The following MSH6 variants were observed in gnomAD, a reference collection of about 807,000 sequenced individuals.
MSH6 encodes mutS homolog 6, also known as DNA mismatch repair protein Msh6.
In MSH6, 85 loss-of-function variants were observed where a neutral mutation model predicts 119.1. That is an observed-to-expected ratio of 0.71 (90% CI 0.60 to 0.85). MSH6 has a LOEUF of 0.85. Among genes scored for constraint, MSH6 ranks in the 40% least tolerant of loss-of-function variants. The pLI is 0.00. For missense variants in MSH6, 2,163 were observed against 1,655.3 expected (o/e 1.31, Z -5.32); for synonymous variants, 830 against 586.9 (o/e 1.41, Z -5.99).
chr2:47,794,419 G>A (rs1668945308), intron 2 of MSH6, among the ~76,000 whole-genome samples: 1 of 151,734 alleles, frequency 6.6e-6, no homozygotes, highest in South Asian at 2.1e-4. Context: ...CTACAGGTGT[G>A]CACCACCACA....
chr2:47,804,948 C>G lies in MSH6; in HGVS notation c.3477C>G (p.Tyr1159Ter), dbSNP rs398123231. The G allele has an allele frequency of 1.9e-6, 3 of 1,614,132 alleles. No homozygotes were observed. Among genetic ancestry groups the G allele is most frequent in the South Asian group, 1.1e-5 (1 of 91,086 alleles). The change falls in exon 6 of 10, where the codon TAC becomes TAG. Residue 1159 changes from tyrosine to a stop codon, truncating the protein, a stop_gained. Transcript: ENST00000234420. LOFTEE classifies it high-confidence loss of function. ...LLAVMAQMGC[Y>*]VPAEVCRLTP... ...CTGTAATGGCCCAGATGGGTTGTTA[C>G]GTCCCTGCTGAAGTGTGCAGGCTCA...
rs1553413038 is a variant in MSH6, at chr2:47,799,641, C to T, written c.1658C>T (p.Thr553Ile). Residue 553 changes from threonine to isoleucine, a missense_variant, in exon 4 of 10, where the codon ACT becomes ATT. Transcript: ENST00000234420. ...AAAGAGGAAGATTCTTCTGGCCATACTCGTGCATATGGTGTGTGCTTTGTT... is the reference window on the plus strand; with the variant it reads ...AAAGAGGAAGATTCTTCTGGCCATATTCGTGCATATGGTGTGTGCTTTGTT... Reference protein sequence around the residue: ...KEKEEDSSGHTRAYGVCFVDT... With the variant: ...KEKEEDSSGHIRAYGVCFVDT... 1 of 1,614,112 alleles carries T rather than the reference C, an allele frequency of 6.2e-7. No homozygotes were observed. Among genetic ancestry groups the T allele is most frequent in the Non-Finnish European group, 8.5e-7 (1 of 1,180,010 alleles).
downstream of MSH6, chr2:47,808,057 C>G: frequency 7.0e-7 from 1 of 1,433,030 alleles, no homozygotes; most frequent in Non-Finnish European, 9.6e-7. Flanking sequence ...AAATCTTCTT[C>G]CAAAAAAGTG....
chr2:47,784,157 G>A (rs1668202150), intron 1 of MSH6: 4 of 1,004,746 alleles, frequency 4.0e-6, no homozygotes, highest in Non-Finnish European at 4.8e-6. Context: ...GGGGGGGTGT[G>A]TCACCATGGG....
chr2:47,788,922 GTTTTTTTTTTTTT>G lies in MSH6; in HGVS notation c.261-1992_261-1980del, dbSNP rs1558650240. On this transcript the variant is annotated intron_variant, in intron 1 of 9. Coordinates refer to ENST00000234420, the MANE Select transcript of MSH6 (RefSeq NM_000179.3). ...TTTCTTCTTCCTTTTTTTTTTTTTT[GTTTTTTTTTTTTT>G]TTTTTTTTTTTTGTGAGACGGAGTC... Among the ~76,000 whole-genome samples, 18 of 40,920 alleles carry G rather than the reference GTTTTTTTTTTTTT, an allele frequency of 4.4e-4. 1 individual carries two copies. Among genetic ancestry groups the G allele is most frequent in the African/African-American group, 1.5e-3 (15 of 9,978 alleles). The allele number at this position is 40,920 out of a possible 152,430, so 26.8% of individuals were successfully genotyped here. A position where few individuals can be genotyped will look rare whatever the true frequency, so the allele number is the denominator to read the frequency against.
Position 47,800,846 on chromosome 2 carries a change from C to G in MSH6, c.2863C>G (p.Leu955Val), listed in dbSNP as rs1401779172. ...RENEQSLLEY[L>V]EKQRNRIGCR... ...AAATGAACAGAGCCTCCTGGAATAC[C>G]TAGAGAAACAGCGCAACAGAATTGG... The change falls in exon 4 of 10, where the codon CTA becomes GTA. Residue 955 changes from leucine to valine, a missense_variant. Transcript: ENST00000234420. The G allele has an allele frequency of 1.9e-6, 3 of 1,614,034 alleles. No homozygotes were observed. Among genetic ancestry groups the G allele is most frequent in the Admixed American group, 3.3e-5 (2 of 59,988 alleles).
At position 47,801,361 on chromosome 2, in the gene MSH6, GTTTTTTTTT is replaced by G. The variant is rs10666222; in HGVS notation, c.3172+223_3172+231del. On this transcript the variant is annotated intron_variant, in intron 4 of 9. Coordinates refer to ENST00000234420, the MANE Select transcript of MSH6 (RefSeq NM_000179.3). The stretch of plus-strand genomic sequence containing the variant: ...TTAGTAGCCCTTTGGCCTTTCTTCA[GTTTTTTTTT>G]TTTTTTTTTTTTTTTTGAGACATGG... 223 of 90,022 alleles carry G rather than the reference GTTTTTTTTT, an allele frequency of 2.5e-3. 5 individuals are homozygous for G. The Middle Eastern group carries it at 0.03, about 12-fold the overall frequency. The allele number at this position is 90,022 out of a possible 1,614,324, so 5.6% of individuals were successfully genotyped here. A position where few individuals can be genotyped will look rare whatever the true frequency, so the allele number is the denominator to read the frequency against.
At chr2:47,784,007 G>A in intron 1 of MSH6, 3 of 1,026,802 alleles carry the variant, frequency 2.9e-6, no homozygotes, top group Non-Finnish European at 2.3e-6. Flanking sequence ...CGCGGAGATA[G>A]TGAGTTGGGG....
rs587781462 is a variant in MSH6, at chr2:47,800,283, C to G, written c.2300C>G (p.Thr767Ser). The G allele has an allele frequency of 4.3e-6, 7 of 1,614,014 alleles. No individual in the cohort carries two copies. In the East Asian group the frequency reaches 1.6e-4, roughly 36 times the overall value. Residue 767 changes from threonine (T) to serine (S), a missense_variant, in exon 4 of 10, where the codon ACT (threonine) becomes AGT (serine). Coordinates refer to ENST00000234420, the MANE Select transcript of MSH6 (RefSeq NM_000179.3). ...TLLERVDTCHTPFGKRLLKQW... is the reference protein window; with the variant it reads ...TLLERVDTCHSPFGKRLLKQW... ...CTAGAGAGGGTTGATACTTGCCATA[C>G]TCCTTTTGGTAAGCGGCTCCTAAAG...
chr2:47,800,927 C>T lies in MSH6; in HGVS notation c.2944C>T (p.Pro982Ser), dbSNP rs1553414320. ...IGRNRYQLEI[P>S]ENFTTRNLPE... ...TAGGAACCGTTACCAGCTGGAAATT[C>T]CTGAGAATTTCACCACTCGCAATTT... The change falls in exon 4 of 10, where the codon CCT (proline) becomes TCT (serine). Residue 982 changes from proline (P) to serine (S), a missense_variant. Pro to Ser is a moderately conservative substitution (Grantham distance 74). Transcript: ENST00000234420. 6.3e-7 allele frequency: 1 copy of T among 1,578,734 alleles called. No individual in the cohort carries two copies. The highest frequency in any genetic ancestry group is 8.6e-7 in the Non-Finnish European group (1 of 1,164,056).
At position 47,800,957 on chromosome 2, in the gene MSH6, G is replaced by A. The variant is rs774755404; in HGVS notation, c.2974G>A (p.Glu992Lys). Residue 992 changes from glutamate to lysine, a missense_variant, in exon 4 of 10, where the codon GAA becomes AAA. By Grantham distance (56) the Glu-to-Lys change is moderately conservative. Transcript: ENST00000234420. ...PENFTTRNLPEEYELKSTKKG... is the reference protein window; with the variant it reads ...PENFTTRNLPKEYELKSTKKG... Reference sequence around the variant, plus strand: ...GAATTTCACCACTCGCAATTTGCCAGAAGAATACGAGTTGAAATCTACCAA... The same window carrying A: ...GAATTTCACCACTCGCAATTTGCCAAAAGAATACGAGTTGAAATCTACCAA... 9 of 1,566,550 alleles carry A rather than the reference G, an allele frequency of 5.7e-6. No individual in the cohort carries two copies. In the Admixed American group the frequency reaches 1.7e-4, roughly 30 times the overall value.
intron 2 of MSH6, among the ~76,000 whole-genome samples, chr2:47,793,561 C>T (rs543869310): frequency 6.6e-6 from 1 of 150,404 alleles, no homozygotes; most frequent in Non-Finnish European, 1.5e-5. Flanking sequence ...GAGCCGAGAT[C>T]GCGCCACTGC....
Position 47,806,300 on chromosome 2 carries a change from A to AT in MSH6, c.3743_3744insT (p.Tyr1249LeufsTer26), listed in dbSNP as rs786201084. 1.2e-6 allele frequency: 2 copies of AT among 1,614,098 alleles called. No individual in the cohort carries two copies. The stretch of plus-strand genomic sequence containing the variant: ...AAATGTCGTACATTATTTTCAACTC[A>AT]CTACCATTCATTAGTAGAAGATTAT... On this transcript the variant is annotated frameshift_variant, in exon 8 of 10. Transcript: ENST00000234420. LOFTEE classifies it high-confidence loss of function.
downstream of MSH6, chr2:47,809,250 G>A (rs377087158): frequency 2.8e-5 from 44 of 1,584,750 alleles, no homozygotes; most frequent in Non-Finnish European, 3.4e-6. Context: ...CATCTTGATT[G>A]TTCATTATTT....
chr2:47,806,712 AAAGGGG>A, intron 9 of MSH6, 61 bp downstream of exon 9: 1 of 1,582,728 alleles, frequency 6.3e-7, no homozygotes, highest in South Asian at 1.1e-5. Flanking sequence ...AGAAACAGTA[AAAGGGG>A]AAGGGATGAT....
chr2:47,793,400 C>T (rs1009099057), intron 2 of MSH6, among the ~76,000 whole-genome samples: 1 of 145,076 alleles, frequency 6.9e-6, no homozygotes, highest in Non-Finnish European at 1.5e-5. Flanking sequence ...GAGGCCCAGG[C>T]GGGTGGATCA....
In MSH6 at chr2:47,800,094, C is replaced by G. The variant is rs370237509; in HGVS notation, c.2111C>G (p.Ala704Gly). The G allele has an allele frequency of 1.9e-6, 3 of 1,613,926 alleles. No homozygotes were observed. In the African/African-American group the frequency reaches 4.0e-5, roughly 22 times the overall value. The change falls in exon 4 of 10, where the codon GCT becomes GGT. Residue 704 changes from alanine to glycine, a missense_variant. Transcript: ENST00000234420. Reference sequence around the variant, plus strand: ...ATTGATCAGGAGCTTTTATCAATGGCTAATTTTGAAGAATATATTCCCTTG... The same window carrying G: ...ATTGATCAGGAGCTTTTATCAATGGGTAATTTTGAAGAATATATTCCCTTG... The part of the protein sequence containing the change: ...CLIDQELLSM[A>G]NFEEYIPLDS...
chr2:47,792,426 A>T (rs560334739), intron 2 of MSH6, among the ~76,000 whole-genome samples: 1 of 152,244 alleles, frequency 6.6e-6, no homozygotes, highest in Non-Finnish European at 1.5e-5. Flanking sequence ...TCTGACATAC[A>T]GGTGGAAAGA....
chr2:47,809,784 TAAA>T (rs1670482987), downstream of MSH6: 2 of 893,880 alleles, frequency 2.2e-6, no homozygotes, highest in Non-Finnish European at 3.6e-6. Flanking sequence ...CAAGCAAATG[TAAA>T]CTGCTTCTTT....
Sources: gnomAD v4.1 joint callset for allele counts (sites outside exome capture counted in the v4.1 genomes callset) on GRCh38, gnomAD v4.1.1 for gene constraint, MANE v1.5 for transcripts, NCBI Gene and HGNC (gene_info 2026-07-23, HGNC 2026-07-21) for gene names.